The following MCM3AP variants were observed in gnomAD, a reference collection of about 807,000 sequenced individuals.
MCM3AP encodes minichromosome maintenance complex component 3 associated protein, also known as germinal-center associated nuclear protein.
A neutral mutation model predicts 184.1 loss-of-function variants in MCM3AP; 126 were observed. That is an observed-to-expected ratio of 0.68 (90% CI 0.59 to 0.79). The LOEUF (loss-of-function observed/expected upper bound fraction) is 0.79, where lower values mean the gene tolerates loss of function less well. MCM3AP is among the 30% of genes least tolerant of loss of function. The probability of loss-of-function intolerance (pLI) is 0.00; values close to 1 mark genes in which losing one functional copy is unlikely to be tolerated. For missense variants in MCM3AP, 2,496 were observed against 2,479.2 expected (o/e 1.01, Z -0.14); for synonymous variants, 1,002 against 979.3 (o/e 1.02, Z -0.43).
chr21:46,281,781 A>G (rs1315675771), intron 2 of MCM3AP, among the ~76,000 whole-genome samples: 2 of 151,982 alleles, frequency 1.3e-5, no homozygotes, highest in Non-Finnish European at 2.9e-5. Flanking sequence ...TGCGTGGAAC[A>G]CTGAGGTCAG....
intron 19 of MCM3AP, chr21:46,254,157 A>T (rs1240816270): frequency 1.8e-6 from 1 of 559,032 alleles, no homozygotes; most frequent in Non-Finnish European, 3.2e-6. Flanking sequence ...TATTTCTTTA[A>T]AGCAGTGTGA....
At chr21:46,260,756 C>A in intron 15 of MCM3AP, 37 bp downstream of exon 15, 9 of 1,457,594 alleles carry the variant, frequency 6.2e-6, no homozygotes, top group Non-Finnish European at 8.7e-6. Flanking sequence ...CCAAAGCTCA[C>A]TCTCCTGGCA....
At chr21:46,240,720 G>C in intron 26 of MCM3AP, 91 bp downstream of exon 26, 5 of 1,149,286 alleles carry the variant, frequency 4.4e-6, no homozygotes, top group Non-Finnish European at 6.3e-6. Flanking sequence ...TCTCCATCCT[G>C]GCTGTCTTAT....
At chr21:46,261,513 T>C in intron 13 of MCM3AP, 102 bp from the exon 14 acceptor site, 1 of 998,508 alleles carries the variant, frequency 1.0e-6, no homozygotes, top group Non-Finnish European at 1.5e-6. Context: ...GGTGGGCGGA[T>C]CACAAGGTCA....
chr21:46,274,480 A>T (rs2081229850), intron 6 of MCM3AP, among the ~76,000 whole-genome samples: 1 of 152,222 alleles, frequency 6.6e-6, no homozygotes, highest in Non-Finnish European at 1.5e-5. Context: ...CTACTAATAA[A>T]ATAATATGCT....
chr21:46,274,096 G>C (rs1650521096), intron 6 of MCM3AP, among the ~76,000 whole-genome samples: 2 of 152,360 alleles, frequency 1.3e-5, no homozygotes, highest in South Asian at 2.1e-4. Flanking sequence ...CACAGGACAA[G>C]GCCCTGGGCA....
chr21:46,248,948 C>CA (rs1176009573), intron 20 of MCM3AP, among the ~76,000 whole-genome samples: 3 of 152,008 alleles, frequency 2.0e-5, no homozygotes, highest in Non-Finnish European at 2.9e-5. Context: ...AGAAAAAAGA[C>CA]AGAGTGTCAT....
chr21:46,257,067 A>G (rs2080964691), intron 16 of MCM3AP, 81 bp from the exon 17 acceptor site: 1 of 1,515,376 alleles, frequency 6.6e-7, no homozygotes, highest in East Asian at 2.4e-5. Context: ...GAACTCAGGC[A>G]TGGGGAAGGA....
At position 46,284,087 on chromosome 21, in the gene MCM3AP, TTCAG is replaced by T; in HGVS notation, c.1196_1199del (p.Thr399LysfsTer10). On this transcript the variant is annotated frameshift_variant, in exon 1 of 28. Coordinates refer to ENST00000291688, the MANE Select transcript of MCM3AP (RefSeq NM_003906.5). LOFTEE classifies it high-confidence loss of function. ...GCTCACCTTCTTTCTTCTCTCTACT[TTCAG>T]TTTCTTCCTCTTTATTCACACCTGG... 6.2e-7 allele frequency: 1 copy of T among 1,612,744 alleles called. No individual in the cohort carries two copies. Among genetic ancestry groups the T allele is most frequent in the Non-Finnish European group, 8.5e-7 (1 of 1,179,256 alleles).
intron 17 of MCM3AP, chr21:46,256,344 T>C (rs11700943): frequency 0.17 from 28,562 of 163,282 alleles, 2,938 homozygotes; most frequent in Non-Finnish European, 0.23. Context: ...GGAGGTGGAG[T>C]CTGGAAGATG....
rs2145716006 is a variant in MCM3AP at position 46,280,121 on chromosome 21, G to C, written c.1539C>G (p.Pro513=). ...HRKKISPNKK[P]FSLKEKKPGD... Reference sequence around the variant, plus strand: ...CTGGTTTCTTCTCCTTCAGGGAAAAGGGTTTCTTATTGGGGCCTGTGGACA... The same window carrying C: ...CTGGTTTCTTCTCCTTCAGGGAAAACGGTTTCTTATTGGGGCCTGTGGACA... Residue 513 remains proline, a synonymous_variant, in exon 4 of 28, where the codon CCC becomes CCG. Coordinates refer to ENST00000291688, the MANE Select transcript of MCM3AP (RefSeq NM_003906.5). The C allele has an allele frequency of 6.2e-7, 1 of 1,614,178 alleles. No homozygotes were observed. The highest frequency in any genetic ancestry group is 1.7e-5 in the Admixed American group (1 of 60,018).
intron 11 of MCM3AP, among the ~76,000 whole-genome samples, 185 bp from the exon 12 acceptor site, chr21:46,265,708 C>T (rs2081103224): frequency 6.6e-6 from 1 of 152,148 alleles, no homozygotes. Flanking sequence ...CCCAGGATGT[C>T]AGGGAGCCAG....
intron 8 of MCM3AP, among the ~76,000 whole-genome samples, chr21:46,271,844 G>A (rs1040035465): frequency 6.6e-5 from 10 of 151,816 alleles, no homozygotes; most frequent in African/African-American, 2.4e-4. Flanking sequence ...CTGGGCAACA[G>A]AGCAGGACTC....
At chr21:46,283,945 T>G in intron 1 of MCM3AP, 107 bp from the exon 2 acceptor site, 1 of 1,543,712 alleles carries the variant, frequency 6.5e-7, no homozygotes, top group Non-Finnish European at 8.7e-7. Flanking sequence ...CCTGCTCCGA[T>G]GACATGTTAG....
At chr21:46,271,115 G>C (rs2145691544) in intron 8 of MCM3AP, among the ~76,000 whole-genome samples, 1 of 151,954 alleles carries the variant, frequency 6.6e-6, no homozygotes, top group East Asian at 1.9e-4. Context: ...GAGAACAAAT[G>C]CTTGTCACGT....
chr21:46,242,942 A>G lies in MCM3AP; in HGVS notation c.5297-11T>C, dbSNP rs764933402. The G allele has an allele frequency of 6.2e-7, 1 of 1,601,740 alleles. No individual in the cohort carries two copies. The highest frequency in any genetic ancestry group is 8.5e-7 in the Non-Finnish European group (1 of 1,175,306). On this transcript the variant is annotated splice_polypyrimidine_tract_variant and intron_variant, in intron 24 of 27. Coordinates refer to ENST00000291688, the MANE Select transcript of MCM3AP (RefSeq NM_003906.5). ...CTTCACTCAGCGCCTCTGAGAAAAC[A>G]ATACAAAAACAGATAAAGAGGCCAG...
Position 46,242,973 on chromosome 21 carries a change from C to G in MCM3AP, c.5297-42G>C, listed in dbSNP as rs201551768. On this transcript the variant is annotated intron_variant, in intron 24 of 27. Transcript: ENST00000291688. Reference sequence around the variant, plus strand: ...AAAACAGATAAAGAGGCCAGCCTGGCCAACCCTGTCTCAAAAAAAAAAAAA... The same window carrying G: ...AAAACAGATAAAGAGGCCAGCCTGGGCAACCCTGTCTCAAAAAAAAAAAAA... 78 of 1,477,786 alleles carry G rather than the reference C, an allele frequency of 5.3e-5. No individual in the cohort carries two copies. In the African/African-American group the frequency reaches 1.0e-3, roughly 20 times the overall value. 91.5% of individuals were successfully genotyped at this position (1,477,786 alleles called of 1,614,324 possible).
chr21:46,265,835 G>A (rs2081104490), intron 11 of MCM3AP, 90 bp downstream of exon 11: 1 of 1,459,980 alleles, frequency 6.8e-7, no homozygotes, highest in Admixed American at 2.3e-5. Context: ...GAGGCGTCCT[G>A]GCGAGAAAAT....
At chr21:46,270,206 C>G in intron 9 of MCM3AP, 195 bp downstream of exon 9, 1 of 479,868 alleles carries the variant, frequency 2.1e-6, no homozygotes, top group Non-Finnish European at 3.6e-6. Context: ...ATTGCACAGC[C>G]TTTCCGGATG....
Sources: allele counts gnomAD v4.1 joint callset (sites outside exome capture counted in the v4.1 genomes callset), GRCh38; gene constraint gnomAD v4.1.1; transcripts MANE v1.5; gene names NCBI Gene and HGNC (gene_info 2026-07-23, HGNC 2026-07-21).